The following ATRNL1 variants were observed in gnomAD, a reference collection of about 807,000 sequenced individuals.
ATRNL1 encodes attractin-like protein 1.
ATRNL1 carries 95 observed loss-of-function variants against 182.7 expected under a neutral mutation model. The ratio of observed to expected loss-of-function variants is 0.52; its 90% CI spans 0.44 to 0.62. The LOEUF (loss-of-function observed/expected upper bound fraction) is 0.62. ATRNL1 is among the 20% of genes least tolerant of loss of function. The pLI is 0.00. For synonymous variants in ATRNL1, 576 were observed against 568.3 expected, an observed-to-expected ratio of 1.01 and a Z score of -0.19; for missense variants, 1,471 against 1,679.5, an observed-to-expected ratio of 0.88 and a Z score of 2.17.
chr10:115,486,224 A>G (rs1382270897), intron 24 of ATRNL1, among the ~76,000 whole-genome samples: 2 of 152,120 alleles, frequency 1.3e-5, no homozygotes, highest in Non-Finnish European at 2.9e-5. Context: ...ATGTGTCTCT[A>G]TAATAGAATG....
intron 9 of ATRNL1, among the ~76,000 whole-genome samples, chr10:115,234,370 A>G (rs74809459): frequency 0.052 from 7,923 of 152,038 alleles, 651 homozygotes; most frequent in African/African-American, 0.18. Context: ...CTATATATCT[A>G]TGTATTGTTT....
chr10:115,854,506 C>T, intron 28 of ATRNL1, among the ~76,000 whole-genome samples: 1 of 152,218 alleles, frequency 6.6e-6, no homozygotes, highest in South Asian at 2.1e-4. Context: ...TACCTCTCCA[C>T]TCACTTAGGG....
At chr10:115,540,073 A>G (rs1267498785) in intron 25 of ATRNL1, among the ~76,000 whole-genome samples, 2 of 151,998 alleles carry the variant, frequency 1.3e-5, no homozygotes, top group Non-Finnish European at 2.9e-5. Context: ...GCACACGTAT[A>G]CATATGTAAC....
At chr10:115,678,199 A>G (rs1945928596) in intron 26 of ATRNL1, among the ~76,000 whole-genome samples, 1 of 152,266 alleles carries the variant, frequency 6.6e-6, no homozygotes, top group East Asian at 1.9e-4. Flanking sequence ...TTTACCAAGC[A>G]TTATTTCATA....
chr10:115,316,933 T>C (rs909271328), intron 18 of ATRNL1, among the ~76,000 whole-genome samples: 5 of 152,224 alleles, frequency 3.3e-5, no homozygotes, highest in African/African-American at 1.2e-4. Context: ...ATCTTATTTG[T>C]CAATTTTGAC....
intron 21 of ATRNL1, among the ~76,000 whole-genome samples, chr10:115,455,976 C>T (rs904680998): frequency 6.6e-6 from 1 of 152,102 alleles, no homozygotes; most frequent in Non-Finnish European, 1.5e-5. Flanking sequence ...ATTAAAAAGT[C>T]AGGAAACAAC....
intron 27 of ATRNL1, among the ~76,000 whole-genome samples, chr10:115,752,841 C>T (rs149830577): frequency 1.3e-5 from 2 of 152,144 alleles, no homozygotes; most frequent in Admixed American, 6.6e-5. Context: ...AAGTAAGTAG[C>T]GTTCTTTTCA....
chr10:115,615,804 G>A (rs1241996305), intron 26 of ATRNL1, among the ~76,000 whole-genome samples: 1 of 152,176 alleles, frequency 6.6e-6, no homozygotes, highest in Non-Finnish European at 1.5e-5. Context: ...CAGTCTTCCT[G>A]TACAGCCTGC....
At chr10:115,651,102 A>G (rs1022411622) in intron 26 of ATRNL1, among the ~76,000 whole-genome samples, 4 of 152,190 alleles carry the variant, frequency 2.6e-5, no homozygotes, top group Non-Finnish European at 5.9e-5. Context: ...ACAAGCCCTT[A>G]TTCAGCTATT....
At chr10:115,607,313 A>ATAACT (rs1856922505) in intron 26 of ATRNL1, among the ~76,000 whole-genome samples, 1 of 151,900 alleles carries the variant, frequency 6.6e-6, no homozygotes, top group African/African-American at 2.4e-5. Context: ...CTATGAAAAT[A>ATAACT]TAACTTGAGA....
chr10:115,527,820 T>TCCTTCCTCCCTTCCTC (rs1178535702), intron 25 of ATRNL1, among the ~76,000 whole-genome samples: 2 of 126,818 alleles, frequency 1.6e-5, no homozygotes, highest in Non-Finnish European at 1.7e-5. Flanking sequence ...CTTCCTTCCT[T>TCCTTCCTCCCTTCCTC]CCTTCCTCCC....
At chr10:115,429,027 C>G (rs1846029043) in intron 21 of ATRNL1, among the ~76,000 whole-genome samples, 1 of 152,152 alleles carries the variant, frequency 6.6e-6, no homozygotes, top group East Asian at 1.9e-4. Flanking sequence ...TCTCTTTGAT[C>G]ATAGACATTC....
chr10:115,946,618 G>A lies in ATRNL1; in HGVS notation c.*1839G>A, dbSNP rs1270116784. 3.3e-5 allele frequency: 5 copies of A among 151,974 alleles called. No homozygotes were observed. The highest frequency in any genetic ancestry group is 1.2e-4 in the African/African-American group (5 of 41,378). 9.4% of individuals were successfully genotyped at this position (151,974 alleles called of 1,614,324 possible). A position where few individuals can be genotyped will look rare whatever the true frequency, so the allele number is the denominator to read the frequency against. On this transcript the variant is annotated 3_prime_UTR_variant, in exon 29 of 29. Transcript: ENST00000355044. ...TCTGTGGGGTTTTTTTGGAGGGGGA[G>A]GCCACTGGTTGTTTCTACTTCCCTG... is the stretch of plus-strand genomic sequence containing the variant.
At chr10:115,510,367 G>T (rs1363980623) in intron 24 of ATRNL1, among the ~76,000 whole-genome samples, 1 of 151,938 alleles carries the variant, frequency 6.6e-6, no homozygotes, top group Non-Finnish European at 1.5e-5. Flanking sequence ...AGTCATTGTG[G>T]CAAATATCAT....
intron 28 of ATRNL1, among the ~76,000 whole-genome samples, chr10:115,852,761 G>A (rs1555100863): frequency 6.6e-6 from 1 of 152,118 alleles, no homozygotes; most frequent in Non-Finnish European, 1.5e-5. Context: ...GGACCTAGAG[G>A]GTCTCTGCTG....
intron 24 of ATRNL1, among the ~76,000 whole-genome samples, chr10:115,475,716 G>T (rs1178659021): frequency 1.3e-5 from 2 of 151,240 alleles, no homozygotes; most frequent in Non-Finnish European, 3.0e-5. Flanking sequence ...TGTAATAATT[G>T]TTCTAAATTG....
intron 22 of ATRNL1, among the ~76,000 whole-genome samples, chr10:115,466,301 G>A (rs1308636037): frequency 1.3e-5 from 2 of 151,320 alleles, no homozygotes; most frequent in East Asian, 1.9e-4. Flanking sequence ...CTCTTACTCC[G>A]TTTCACTAGC....
chr10:115,483,904 A>C (rs1848892539), intron 24 of ATRNL1, among the ~76,000 whole-genome samples: 1 of 151,586 alleles, frequency 6.6e-6, no homozygotes, highest in Admixed American at 6.6e-5. Context: ...TTAGAGTTTG[A>C]CATGCTTTTA....
intron 8 of ATRNL1, among the ~76,000 whole-genome samples, chr10:115,175,093 A>T (rs1034990571): frequency 2.0e-5 from 3 of 151,980 alleles, no homozygotes; most frequent in African/African-American, 4.8e-5. Context: ...TCTTATACCT[A>T]CATGGGTCCA....
Sources: allele counts gnomAD v4.1 joint callset (sites outside exome capture counted in the v4.1 genomes callset), GRCh38; gene constraint gnomAD v4.1.1; transcripts MANE v1.5; gene names NCBI Gene and HGNC (gene_info 2026-07-23, HGNC 2026-07-21).